VWA8: variants seen among roughly 807,000 people sequenced by gnomAD.
The protein encoded by VWA8 is von Willebrand factor A domain containing 8, also known as von Willebrand factor A domain-containing protein 8.
A neutral mutation model predicts 241.5 loss-of-function variants in VWA8; 221 were observed. The ratio of observed to expected loss-of-function variants is 0.91; its 90% CI spans 0.82 to 1.02. The LOEUF (loss-of-function observed/expected upper bound fraction) is 1.02, where lower values mean the gene tolerates loss of function less well. Among genes scored for constraint, VWA8 ranks in the 50% least tolerant of loss-of-function variants. VWA8 has a pLI of 0.00. For synonymous variants in VWA8, 852 were observed against 827.1 expected (o/e 1.03, Z -0.52); for missense variants, 2,322 against 2,328.7 (o/e 1.00, Z 0.06).
At chr13:41,593,684 C>T (rs1247271393) in intron 40 of VWA8, among the ~76,000 whole-genome samples, 5 of 152,160 alleles carry the variant, frequency 3.3e-5, no homozygotes, top group Admixed American at 2.0e-4. Flanking sequence ...CATTTATGTA[C>T]CTTCAGTCTT....
intron 21 of VWA8, among the ~76,000 whole-genome samples, chr13:41,755,658 A>G (rs1011342154): frequency 1.3e-5 from 2 of 151,962 alleles, no homozygotes; most frequent in Non-Finnish European, 2.9e-5. Context: ...TATTAAAGAC[A>G]TCCTAGGCAG....
chr13:41,819,494 G>T, intron 14 of VWA8, 108 bp from the exon 15 acceptor site: 2 of 1,139,066 alleles, frequency 1.8e-6, no homozygotes, highest in Non-Finnish European at 2.4e-6. Context: ...TGTTAATAAT[G>T]TCAATGTTAT....
At chr13:41,926,745 C>T (rs1286730300) in intron 2 of VWA8, 1 of 539,142 alleles carries the variant, frequency 1.9e-6, no homozygotes, top group Non-Finnish European at 3.8e-6. Flanking sequence ...GACTTCACCC[C>T]ACCCTTCCAG....
At chr13:41,869,000 T>C (rs1036542902) in intron 9 of VWA8, among the ~76,000 whole-genome samples, 3 of 151,482 alleles carry the variant, frequency 2.0e-5, no homozygotes, top group African/African-American at 4.9e-5. Context: ...TTAAAGATCA[T>C]ATTAAAATAG....
intron 21 of VWA8, among the ~76,000 whole-genome samples, chr13:41,740,111 T>C (rs749920616): frequency 6.6e-5 from 10 of 152,000 alleles, no homozygotes; most frequent in Non-Finnish European, 1.2e-4. Flanking sequence ...CACCTCGGCC[T>C]CCCAAAATGC....
chr13:41,712,114 A>AT (rs2045322670), intron 26 of VWA8, among the ~76,000 whole-genome samples: 2 of 152,246 alleles, frequency 1.3e-5, no homozygotes, highest in Admixed American at 1.3e-4. Context: ...GGAGGGGCTT[A>AT]TGAAGAGAGG....
chr13:41,873,909 G>T (rs1218772215), intron 9 of VWA8, among the ~76,000 whole-genome samples: 1 of 152,136 alleles, frequency 6.6e-6, no homozygotes, highest in African/African-American at 2.4e-5. Flanking sequence ...CAATATCCTT[G>T]ATGAACATTG....
intron 9 of VWA8, among the ~76,000 whole-genome samples, chr13:41,877,452 C>A (rs1402037564): frequency 6.6e-6 from 1 of 151,904 alleles, no homozygotes; most frequent in Non-Finnish European, 1.5e-5. Context: ...ATATCTGATG[C>A]TCCTCAGACA....
rs2045160588 is a variant in VWA8, at chr13:41,689,448, C to T, written c.4037G>A (p.Ser1346Asn). The T allele has an allele frequency of 6.2e-7, 1 of 1,611,854 alleles. No individual in the cohort carries two copies. Among genetic ancestry groups the T allele is most frequent in the Non-Finnish European group, 8.5e-7 (1 of 1,179,062 alleles). ...SSDQLSSEHL[S>N]SAVEQKIASP... ...GGCAATCTTTTGTTCCACAGCTGAACTTAGATGTTCAGATGATAGTTGATC... is the reference window on the plus strand; with the variant it reads ...GGCAATCTTTTGTTCCACAGCTGAATTTAGATGTTCAGATGATAGTTGATC... The change falls in exon 34 of 45, where the codon AGT (serine) becomes AAT (asparagine). Residue 1346 changes from serine to asparagine, a missense_variant. Transcript: ENST00000379310.
chr13:41,671,950 G>A (rs1286619569), intron 36 of VWA8, among the ~76,000 whole-genome samples: 1 of 152,092 alleles, frequency 6.6e-6, no homozygotes, highest in Non-Finnish European at 1.5e-5. Context: ...TAAAAGACAA[G>A]ATATCAACAG....
intron 17 of VWA8, among the ~76,000 whole-genome samples, chr13:41,801,270 T>C (rs561693351): frequency 6.6e-6 from 1 of 152,294 alleles, no homozygotes; most frequent in Admixed American, 6.5e-5. Flanking sequence ...TCAATATTCT[T>C]ATTTCCTATA....
chr13:41,733,729 C>A (rs1593729392), intron 21 of VWA8, among the ~76,000 whole-genome samples: 1 of 152,150 alleles, frequency 6.6e-6, no homozygotes, highest in South Asian at 2.1e-4. Context: ...CACTATACTG[C>A]AAGTACTTAT....
At chr13:41,916,473 T>G (rs1876260220) in intron 2 of VWA8, among the ~76,000 whole-genome samples, 2 of 152,378 alleles carry the variant, frequency 1.3e-5, no homozygotes, top group South Asian at 4.1e-4. Context: ...TACTTCTTTT[T>G]GGTGGTATCA....
chr13:41,760,112 G>A (rs1209911631), intron 21 of VWA8, among the ~76,000 whole-genome samples: 1 of 151,666 alleles, frequency 6.6e-6, no homozygotes. Flanking sequence ...TGAATACCAG[G>A]GTTATTTAAT....
At chr13:41,731,998 G>A (rs2045487512) in intron 22 of VWA8, 82 bp downstream of exon 22, 4 of 1,189,998 alleles carry the variant, frequency 3.4e-6, no homozygotes, top group Admixed American at 1.8e-5. Flanking sequence ...CGTAATCCAT[G>A]AGAGTTCCAT....
intron 37 of VWA8, among the ~76,000 whole-genome samples, chr13:41,617,888 A>ATTGATGGACATG (rs555607004): frequency 6.8e-6 from 1 of 147,086 alleles, no homozygotes; most frequent in African/African-American, 2.6e-5. Flanking sequence ...CCCGTCTATT[A>ATTGATGGACATG]TGGGTTGGTT....
chr13:41,788,829 G>A (rs1235969264), intron 17 of VWA8, among the ~76,000 whole-genome samples: 1 of 152,078 alleles, frequency 6.6e-6, no homozygotes, highest in African/African-American at 2.4e-5. Context: ...ACTATTTTCA[G>A]GCTTAGACTT....
At chr13:41,873,370 C>T (rs2037004879) in intron 9 of VWA8, among the ~76,000 whole-genome samples, 1 of 152,004 alleles carries the variant, frequency 6.6e-6, no homozygotes, top group Non-Finnish European at 1.5e-5. Flanking sequence ...CAAAAAAATC[C>T]TTCAAAAAAT....
At chr13:41,760,810 G>C (rs1055307355) in intron 21 of VWA8, among the ~76,000 whole-genome samples, 1 of 152,054 alleles carries the variant, frequency 6.6e-6, no homozygotes, top group Middle Eastern at 3.4e-3. Flanking sequence ...GCTTGTGAGA[G>C]AATAGGCTTA....
Sources: allele counts gnomAD v4.1 joint callset (sites outside exome capture counted in the v4.1 genomes callset), GRCh38; gene constraint gnomAD v4.1.1; transcripts MANE v1.5; gene names NCBI Gene and HGNC (gene_info 2026-07-23, HGNC 2026-07-21).